Variants in SCARA3 observed in about 807,000 individuals in gnomAD.
SCARA3 encodes the protein scavenger receptor class A member 3.
A neutral mutation model predicts 47.0 loss-of-function variants in SCARA3; 39 were observed. The observed-to-expected ratio is 0.83, with a 90% CI of 0.64 to 1.08. The LOEUF (loss-of-function observed/expected upper bound fraction) is 1.08, where lower values mean the gene tolerates loss of function less well. Ranked by LOEUF, SCARA3 falls within the 50% of genes least tolerant of loss-of-function variation. The pLI, the probability that SCARA3 is intolerant of heterozygous loss-of-function variation, is 0.00. For missense variants in SCARA3, 724 were observed against 792.3 expected, an observed-to-expected ratio of 0.91 and a Z score of 1.04; for synonymous variants, 356 against 334.1, an observed-to-expected ratio of 1.07 and a Z score of -0.71.
chr8:27,661,171 G>T (rs1801906281), intron 5 of SCARA3, among the ~76,000 whole-genome samples: 2 of 152,134 alleles, frequency 1.3e-5, no homozygotes, highest in Non-Finnish European at 2.9e-5. Context: ...AATTATATTT[G>T]ACCAATATCT....
chr8:27,658,775 TG>T lies in SCARA3; in HGVS notation c.607del (p.Asp203ThrfsTer4), dbSNP rs1801817884. 6 of 1,613,974 alleles carry T rather than the reference TG, an allele frequency of 3.7e-6. No individual in the cohort carries two copies. Among genetic ancestry groups the T allele is most frequent in the Non-Finnish European group, 5.1e-6 (6 of 1,179,974 alleles). On this transcript the variant is annotated frameshift_variant, in exon 5 of 6. Transcript: ENST00000301904. LOFTEE classifies it high-confidence loss of function. ...VRGWQATTAG[L>X]DLSLKDLTQE... ...GGCTGGCAGGCCACCACAGCTGGCCTGGACCTCTCTCTGAAGGACCTCACCC... is the reference window on the plus strand; with the variant it reads ...GGCTGGCAGGCCACCACAGCTGGCCTGACCTCTCTCTGAAGGACCTCACCC...
chr8:27,672,684 T>G lies in SCARA3; in HGVS notation c.*1333T>G. On this transcript the variant is annotated 3_prime_UTR_variant, in exon 6 of 6. Transcript: ENST00000301904. Reference sequence around the variant, plus strand: ...CACTCCTTGGCACCCACCAACTTCCTGCACACACTGGCAGAGAGGGGCGCT... The same window carrying G: ...CACTCCTTGGCACCCACCAACTTCCGGCACACACTGGCAGAGAGGGGCGCT... The G allele has an allele frequency of 1.0e-6, 1 of 985,694 alleles. No individual in the cohort carries two copies. The highest frequency in any genetic ancestry group is 1.2e-6 in the Non-Finnish European group (1 of 830,140). The allele number at this position is 985,694 out of a possible 1,614,324, so 61.1% of individuals were successfully genotyped here.
chr8:27,679,540 C>T (rs1405254006), downstream of SCARA3, among the ~76,000 whole-genome samples: 1 of 152,150 alleles, frequency 6.6e-6, no homozygotes, highest in African/African-American at 2.4e-5. Context: ...AAAATTTACT[C>T]TCTCAGGAAG....
At chr8:27,650,370 C>T (rs1031705274) in intron 2 of SCARA3, among the ~76,000 whole-genome samples, 1 of 152,142 alleles carries the variant, frequency 6.6e-6, no homozygotes, top group Non-Finnish European at 1.5e-5. Flanking sequence ...TCTGCCATCT[C>T]CCAGAGCTAC....
chr8:27,678,493 A>G (rs960138765), downstream of SCARA3, among the ~76,000 whole-genome samples: 3 of 152,250 alleles, frequency 2.0e-5, no homozygotes, highest in Non-Finnish European at 4.4e-5. Context: ...TAATGAGTAT[A>G]GCTCCATTGC....
At chr8:27,707,220 C>G in the SCARA3 span, among the ~76,000 whole-genome samples, 2 of 152,134 alleles carry the variant, frequency 1.3e-5, no homozygotes, top group Non-Finnish European at 2.9e-5. Flanking sequence ...ACTGAAGAGT[C>G]TACAAGGAAT....
the SCARA3 span, among the ~76,000 whole-genome samples, chr8:27,724,074 A>C: frequency 1.1e-4 from 17 of 152,186 alleles, no homozygotes; most frequent in Non-Finnish European, 1.9e-4. Context: ...GTCAACAGTG[A>C]ATTCCCACAA....
the SCARA3 span, among the ~76,000 whole-genome samples, chr8:27,718,072 CT>C: frequency 6.6e-6 from 1 of 152,350 alleles, no homozygotes; most frequent in East Asian, 1.9e-4. Context: ...TCATTTCATG[CT>C]TTTCCATCCT....
chr8:27,646,565 C>T (rs572582646), intron 1 of SCARA3, among the ~76,000 whole-genome samples: 4 of 152,256 alleles, frequency 2.6e-5, no homozygotes, highest in African/African-American at 9.6e-5. Flanking sequence ...AAACGAGGAA[C>T]CCGGCCAAGG....
At chr8:27,727,765 G>A in the SCARA3 span, among the ~76,000 whole-genome samples, 5 of 152,168 alleles carry the variant, frequency 3.3e-5, no homozygotes, top group African/African-American at 9.7e-5. Flanking sequence ...TTATGTTACC[G>A]GGTATTCATG....
At chr8:27,675,275 G>A (rs548604615), downstream of SCARA3, among the ~76,000 whole-genome samples, 8 of 152,324 alleles carry the variant, frequency 5.3e-5, no homozygotes, top group East Asian at 7.7e-4. Flanking sequence ...AAACAGAGCC[G>A]CGGGAGAGGA....
the SCARA3 span, among the ~76,000 whole-genome samples, chr8:27,705,638 G>A: frequency 6.6e-6 from 1 of 152,242 alleles, no homozygotes; most frequent in Non-Finnish European, 1.5e-5. Flanking sequence ...TGTTCAATAA[G>A]TATTTACTTA....
chr8:27,672,039 C>G lies in SCARA3; in HGVS notation c.*688C>G. The G allele has an allele frequency of 2.0e-6, 2 of 985,350 alleles. No homozygotes were observed. The highest frequency in any genetic ancestry group is 2.4e-6 in the Non-Finnish European group (2 of 829,938). The allele number at this position is 985,350 out of a possible 1,614,324, so 61.0% of individuals were successfully genotyped here. A position where few individuals can be genotyped will look rare whatever the true frequency, so the allele number is the denominator to read the frequency against. ...TTGAAAAGCCCCAAGGAAACCTTTGCGGGTGGGGCGTTACTGCCAAAACTC... is the reference window on the plus strand; with the variant it reads ...TTGAAAAGCCCCAAGGAAACCTTTGGGGGTGGGGCGTTACTGCCAAAACTC... On this transcript the variant is annotated 3_prime_UTR_variant, in exon 6 of 6. Transcript: ENST00000301904.
intron 3 of SCARA3, 32 bp from the exon 4 acceptor site, chr8:27,656,750 C>A: frequency 7.3e-7 from 1 of 1,362,216 alleles, no homozygotes; most frequent in Non-Finnish European, 1.1e-6. Flanking sequence ...AGCTTAGACC[C>A]TGCCCCAGCT....
At chr8:27,725,165 A>AAAAC in the SCARA3 span, among the ~76,000 whole-genome samples, 1 of 152,122 alleles carries the variant, frequency 6.6e-6, no homozygotes, top group East Asian at 1.9e-4. Flanking sequence ...CAAACAAACA[A>AAAAC]ACAAAAACAG....
chr8:27,678,401 A>G (rs879425855), downstream of SCARA3, among the ~76,000 whole-genome samples: 1 of 152,066 alleles, frequency 6.6e-6, no homozygotes, highest in Admixed American at 6.5e-5. Context: ...GAACAACTTT[A>G]TGTCAATAAA....
chr8:27,638,204 G>A (rs549129807), intron 1 of SCARA3, among the ~76,000 whole-genome samples: 66 of 152,266 alleles, frequency 4.3e-4, no homozygotes, highest in Non-Finnish European at 7.5e-4. Context: ...GGCAGTTTCC[G>A]TGAAGGACAG....
rs201265256 is a variant in SCARA3 at position 27,649,716 on chromosome 8, G to A, written c.22G>A (p.Gly8Ser). The A allele has an allele frequency of 4.0e-4, 648 of 1,614,020 alleles. No individual in the cohort carries two copies. Among genetic ancestry groups the A allele is most frequent in the Non-Finnish European group, 5.3e-4 (622 of 1,180,024 alleles). The change falls in exon 2 of 6, where the codon GGC becomes AGC. Residue 8 changes from glycine to serine, a missense_variant. Physicochemically the swap from Gly to Ser is moderately conservative, Grantham distance 56. Transcript: ENST00000301904. ...CTTCATTATAGTGAGGTCGGCCGGC[G>A]GCGATGGAGATGCCTTGTGCGTTAC... Reference protein sequence around the residue: MKVRSAGGDGDALCVTEE... With the variant: MKVRSAGSDGDALCVTEE...
the SCARA3 span, among the ~76,000 whole-genome samples, chr8:27,698,893 A>G: frequency 7.4e-4 from 112 of 152,080 alleles, 3 homozygotes; most frequent in East Asian, 0.021. Flanking sequence ...AGTGGTATCT[A>G]TCTATCTGTC....
Sources: allele counts gnomAD v4.1 joint callset (sites outside exome capture counted in the v4.1 genomes callset), GRCh38; gene constraint gnomAD v4.1.1; transcripts MANE v1.5; gene names NCBI Gene and HGNC (gene_info 2026-07-23, HGNC 2026-07-21).